Variants in TMEM26 observed in about 807,000 individuals in gnomAD.
The protein encoded by TMEM26 is transmembrane protein 26.
Under a neutral mutation model 28.8 loss-of-function variants are expected in TMEM26, and 38 were observed. The ratio of observed to expected loss-of-function variants is 1.32; its 90% CI spans 1.02 to 1.73. TMEM26 has a LOEUF of 1.73. Ranked by LOEUF, TMEM26 falls within the 40% of genes most tolerant of loss-of-function variation. The pLI, the probability that TMEM26 is intolerant of heterozygous loss-of-function variation, is 0.00. For missense variants in TMEM26, 518 were observed against 447.1 expected, an observed-to-expected ratio of 1.16 and a Z score of -1.43; for synonymous variants, 227 against 182.9, an observed-to-expected ratio of 1.24 and a Z score of -1.95.
Position 61,453,122 on chromosome 10 carries a change from C to G in TMEM26, c.-41G>C, listed in dbSNP as rs773982680. 6.3e-7 allele frequency: 1 copy of G among 1,591,282 alleles called. No homozygotes were observed. Among genetic ancestry groups the G allele is most frequent in the Non-Finnish European group, 8.6e-7 (1 of 1,166,956 alleles). On this transcript the variant is annotated 5_prime_UTR_variant, in exon 1 of 6. Coordinates refer to ENST00000399298, the MANE Select transcript of TMEM26 (RefSeq NM_178505.8). Reference sequence around the variant, plus strand: ...CTGCCTACGTCCCCTTGCCTGCGCCCCCAGGACCCTGCCGGGCGTGCCCGG... The same window carrying G: ...CTGCCTACGTCCCCTTGCCTGCGCCGCCAGGACCCTGCCGGGCGTGCCCGG...
At chr10:61,423,220 C>G (rs1269644761) in intron 4 of TMEM26, among the ~76,000 whole-genome samples, 2 of 152,032 alleles carry the variant, frequency 1.3e-5, no homozygotes, top group African/African-American at 4.8e-5. Context: ...AATCTTCCCA[C>G]AAAATAAACT....
intron 4 of TMEM26, 53 bp downstream of exon 4, chr10:61,428,873 G>A: frequency 2.0e-6 from 3 of 1,464,952 alleles, no homozygotes; most frequent in Non-Finnish European, 2.9e-6. Context: ...AAAGAGACAG[G>A]TGCATGGTCT....
At chr10:61,428,428 G>A (rs143021466) in intron 4 of TMEM26, among the ~76,000 whole-genome samples, 119 of 152,190 alleles carry the variant, frequency 7.8e-4, no homozygotes, top group Non-Finnish European at 1.5e-3. Context: ...AACCTCATCT[G>A]CCCCATTCTC....
Position 61,452,954 on chromosome 10 carries a change from T to C in TMEM26, c.128A>G (p.Asn43Ser), listed in dbSNP as rs953010820. The C allele has an allele frequency of 3.7e-6, 6 of 1,613,752 alleles. No individual in the cohort carries two copies. The highest frequency in any genetic ancestry group is 1.3e-5 in the African/African-American group (1 of 74,832). ...EPRYWLLALL[N>S]LLLFLETALT... The stretch of plus-strand genomic sequence containing the variant: ...CGCAGTCTCCAGGAAGAGCAAGAGG[T>C]TGAGCAGCGCAAGCAGCCAGTACCG... The change falls in exon 1 of 6, where the codon AAC becomes AGC. Residue 43 changes from asparagine to serine, a missense_variant. Coordinates refer to ENST00000399298, the MANE Select transcript of TMEM26 (RefSeq NM_178505.8).
At chr10:61,424,516 C>T (rs1367503980) in intron 4 of TMEM26, among the ~76,000 whole-genome samples, 1 of 152,026 alleles carries the variant, frequency 6.6e-6, no homozygotes, top group African/African-American at 2.4e-5. Flanking sequence ...TTATTCTCTA[C>T]CAAGAGCATA....
In TMEM26 at chr10:61,408,413, C is replaced by T. The variant is rs530389032; in HGVS notation, c.*1909G>A. The T allele has an allele frequency of 2.2e-4, 33 of 152,264 alleles. No homozygotes were observed. The highest frequency in any genetic ancestry group is 7.9e-4 in the African/African-American group (33 of 41,550). The allele number at this position is 152,264 out of a possible 1,614,324, so 9.4% of individuals were successfully genotyped here. A position where few individuals can be genotyped will look rare whatever the true frequency, so the allele number is the denominator to read the frequency against. On this transcript the variant is annotated 3_prime_UTR_variant, in exon 6 of 6. Coordinates refer to ENST00000399298, the MANE Select transcript of TMEM26 (RefSeq NM_178505.8). ...CTTGCAACAGCCGTACTACTTTATA[C>T]TTTATCTATTTTTAGGGCCTCAGTG...
intron 4 of TMEM26, among the ~76,000 whole-genome samples, chr10:61,420,608 T>A (rs569721882): frequency 1.3e-5 from 2 of 152,106 alleles, no homozygotes; most frequent in African/African-American, 2.4e-5. Flanking sequence ...TTCTTACACC[T>A]GTAAACTATG....
At chr10:61,432,127 A>C (rs537100065) in intron 2 of TMEM26, among the ~76,000 whole-genome samples, 1 of 151,848 alleles carries the variant, frequency 6.6e-6, no homozygotes, top group Non-Finnish European at 1.5e-5. Context: ...GTGTGTATAT[A>C]GTATTTTAAG....
chr10:61,443,338 G>A (rs1408528224), intron 1 of TMEM26, among the ~76,000 whole-genome samples: 4 of 151,598 alleles, frequency 2.6e-5, no homozygotes, highest in South Asian at 2.1e-4. Flanking sequence ...GGCGGCGTGC[G>A]CCTGTAGTCC....
intron 5 of TMEM26, among the ~76,000 whole-genome samples, chr10:61,411,366 T>C (rs1409779395): frequency 1.3e-5 from 2 of 152,144 alleles, no homozygotes; most frequent in Non-Finnish European, 2.9e-5. Flanking sequence ...ATCTTCCCCT[T>C]AGGATCACGA....
intron 4 of TMEM26, among the ~76,000 whole-genome samples, chr10:61,426,689 C>T (rs1839838810): frequency 6.6e-6 from 1 of 151,942 alleles, no homozygotes; most frequent in South Asian, 2.1e-4. Context: ...TAATAATAGG[C>T]AATGCTGAGT....
At position 61,408,902 on chromosome 10, in the gene TMEM26, A is replaced by G. The variant is rs1360614596; in HGVS notation, c.*1420T>C. 1 of 152,210 alleles carries G rather than the reference A, an allele frequency of 6.6e-6. No homozygotes were observed. Among genetic ancestry groups the G allele is most frequent in the Non-Finnish European group, 1.5e-5 (1 of 68,040 alleles). The allele number at this position is 152,210 out of a possible 1,614,324, so 9.4% of individuals were successfully genotyped here. On this transcript the variant is annotated 3_prime_UTR_variant, in exon 6 of 6. Coordinates refer to ENST00000399298, the MANE Select transcript of TMEM26 (RefSeq NM_178505.8). ...TAAAAGTTTGTATAAAATGTTTCGA[A>G]TAGGTATCATGTCACCCAGAGAGTT... is the stretch of plus-strand genomic sequence containing the variant.
intron 4 of TMEM26, among the ~76,000 whole-genome samples, chr10:61,424,841 G>A (rs775601460): frequency 7.9e-5 from 12 of 152,112 alleles, no homozygotes; most frequent in Non-Finnish European, 1.2e-4. Context: ...TCAACAAATG[G>A]TATTGGGAAA....
At chr10:61,413,584 T>C (rs761068256) in intron 4 of TMEM26, 49 bp from the exon 5 acceptor site, 19 of 1,542,156 alleles carry the variant, frequency 1.2e-5, no homozygotes, top group Non-Finnish European at 1.5e-5. Context: ...TATGATCACA[T>C]GCAGAAAAGT....
At chr10:61,441,851 T>C (rs779587247) in intron 1 of TMEM26, among the ~76,000 whole-genome samples, 3 of 152,204 alleles carry the variant, frequency 2.0e-5, no homozygotes, top group Non-Finnish European at 2.9e-5. Flanking sequence ...CAAATTACTT[T>C]GCTCAACTAT....
In TMEM26 at chr10:61,410,470, T is replaced by C; in HGVS notation, c.959A>G (p.Glu320Gly). Residue 320 changes from glutamate to glycine, a missense_variant, in exon 6 of 6, where the codon GAA becomes GGA. Glu to Gly is a moderately conservative substitution (Grantham distance 98). Coordinates refer to ENST00000399298, the MANE Select transcript of TMEM26 (RefSeq NM_178505.8). ...GCAACCATGTTCTCCTTTCAGGCCT[T>C]CTGACTGACTTCTCAACGAAGCACG... ...AVRASLRSQS[E>G]GLKGEHGCRA... 1.2e-6 allele frequency: 2 copies of C among 1,614,074 alleles called. No homozygotes were observed. Among genetic ancestry groups the C allele is most frequent in the Non-Finnish European group, 1.7e-6 (2 of 1,180,022 alleles).
chr10:61,410,847 A>G, intron 5 of TMEM26, 101 bp from the exon 6 acceptor site: 1 of 1,136,816 alleles, frequency 8.8e-7, no homozygotes, highest in Non-Finnish European at 1.3e-6. Context: ...CTGTGCTAGT[A>G]ATAATTCTGT....
chr10:61,422,651 G>A (rs1839768277), intron 4 of TMEM26, among the ~76,000 whole-genome samples: 2 of 152,120 alleles, frequency 1.3e-5, no homozygotes. Flanking sequence ...AGGCAAAGCA[G>A]TGCTTACAGG....
chr10:61,450,377 T>C (rs1840256337), intron 1 of TMEM26, among the ~76,000 whole-genome samples: 2 of 152,180 alleles, frequency 1.3e-5, no homozygotes, highest in Non-Finnish European at 2.9e-5. Flanking sequence ...AAAGGGAATG[T>C]TCCCCAAATT....
Sources: gnomAD v4.1 joint callset for allele counts (sites outside exome capture counted in the v4.1 genomes callset) on GRCh38, gnomAD v4.1.1 for gene constraint, MANE v1.5 for transcripts, NCBI Gene and HGNC (gene_info 2026-07-23, HGNC 2026-07-21) for gene names.